The following COLQ variants were observed in gnomAD, a reference collection of about 807,000 sequenced individuals.
COLQ encodes the protein collagen like tail subunit of asymmetric acetylcholinesterase, also known as acetylcholinesterase collagenic tail peptide.
Under a neutral mutation model 69.0 loss-of-function variants are expected in COLQ, and 48 were observed. The observed-to-expected ratio is 0.70, with a 90% CI of 0.55 to 0.88. The LOEUF (loss-of-function observed/expected upper bound fraction) is 0.88. Ranked by LOEUF, COLQ falls within the 40% of genes least tolerant of loss-of-function variation. The pLI is 0.00. For missense variants in COLQ, 618 were observed against 594.6 expected, an observed-to-expected ratio of 1.04 and a Z score of -0.41; for synonymous variants, 217 against 211.2, an observed-to-expected ratio of 1.03 and a Z score of -0.24.
chr3:15,498,537 C>T (rs372692677), intron 1 of COLQ: 7 of 1,551,794 alleles, frequency 4.5e-6, no homozygotes, highest in Non-Finnish European at 6.1e-6. Flanking sequence ...AGTAACAGAG[C>T]AGTCCTGAAA....
At chr3:15,470,509 G>A in intron 11 of COLQ, 27 bp downstream of exon 11, 10 of 1,608,268 alleles carry the variant, frequency 6.2e-6, no homozygotes, top group Non-Finnish European at 8.5e-6. Context: ...CTGACCTCAG[G>A]CGGGTGGTAA....
At chr3:15,474,346 A>T in intron 8 of COLQ, 74 bp from the exon 9 acceptor site, 1 of 1,500,418 alleles carries the variant, frequency 6.7e-7, no homozygotes, top group Non-Finnish European at 9.3e-7. Flanking sequence ...CAAACTGAAA[A>T]GCTCCCTAAA....
intron 11 of COLQ, among the ~76,000 whole-genome samples, chr3:15,469,055 TCTAAGG>T (rs773626582): frequency 2.6e-5 from 4 of 152,178 alleles, no homozygotes; most frequent in Non-Finnish European, 5.9e-5. Context: ...ACATCAGGCT[TCTAAGG>T]CTAACAATTC....
chr3:15,515,268 G>C (rs1217704871), intron 1 of COLQ, among the ~76,000 whole-genome samples: 1 of 152,182 alleles, frequency 6.6e-6, no homozygotes, highest in Non-Finnish European at 1.5e-5. Flanking sequence ...CTGTGAGACA[G>C]AGACTATTAT....
chr3:15,488,756 T>C (rs2062618297), intron 2 of COLQ, among the ~76,000 whole-genome samples: 1 of 152,230 alleles, frequency 6.6e-6, no homozygotes, highest in South Asian at 2.1e-4. Context: ...AATATTATCA[T>C]TTTAACATAT....
chr3:15,459,699 G>A (rs1030182549), intron 12 of COLQ, among the ~76,000 whole-genome samples: 6 of 151,808 alleles, frequency 4.0e-5, no homozygotes, highest in Non-Finnish European at 8.8e-5. Flanking sequence ...GGCTGGTCTC[G>A]AACTCCTGAC....
intron 1 of COLQ, among the ~76,000 whole-genome samples, chr3:15,507,230 C>A (rs1046599980): frequency 6.6e-6 from 1 of 152,232 alleles, no homozygotes; most frequent in Non-Finnish European, 1.5e-5. Context: ...ACTAAATAAC[C>A]TTCCACATGC....
intron 13 of COLQ, among the ~76,000 whole-genome samples, chr3:15,456,954 G>T (rs987676026): frequency 1.3e-4 from 20 of 151,808 alleles, no homozygotes; most frequent in African/African-American, 4.8e-4. Context: ...TCTCGAGTAG[G>T]TGGGATTACA....
intron 1 of COLQ, among the ~76,000 whole-genome samples, chr3:15,502,709 C>T (rs1033069345): frequency 3.3e-5 from 5 of 152,134 alleles, no homozygotes; most frequent in Non-Finnish European, 5.9e-5. Context: ...CCACCACGCC[C>T]GGCCTAACTT....
intron 12 of COLQ, among the ~76,000 whole-genome samples, chr3:15,463,546 C>T (rs1291299771): frequency 6.6e-6 from 1 of 152,022 alleles, no homozygotes; most frequent in East Asian, 1.9e-4. Context: ...TGGGGTTTCA[C>T]TGTGTTAGCC....
intron 1 of COLQ, among the ~76,000 whole-genome samples, chr3:15,499,830 T>C (rs1034183056): frequency 3.9e-5 from 6 of 152,204 alleles, no homozygotes; most frequent in Non-Finnish European, 8.8e-5. Flanking sequence ...CTGTGTGACC[T>C]TGAGGAAGTT....
intron 1 of COLQ, among the ~76,000 whole-genome samples, chr3:15,506,471 T>C (rs1283719485): frequency 6.6e-6 from 1 of 152,224 alleles, no homozygotes; most frequent in Non-Finnish European, 1.5e-5. Flanking sequence ...AACCATTACT[T>C]AGTTTTCTAT....
At chr3:15,474,092 T>C in intron 9 of COLQ, 57 bp from the exon 10 acceptor site, 1 of 1,611,696 alleles carries the variant, frequency 6.2e-7, no homozygotes, top group African/African-American at 1.3e-5. Context: ...CTGAAATGGC[T>C]GTGGACAGGC....
chr3:15,498,112 C>A (rs775199279), intron 1 of COLQ, among the ~76,000 whole-genome samples: 4 of 152,086 alleles, frequency 2.6e-5, no homozygotes, highest in Non-Finnish European at 5.9e-5. Flanking sequence ...AGCCACCCAA[C>A]GCCAGCGGGG....
chr3:15,456,335 C>G lies in COLQ; in HGVS notation c.1074+125G>C, dbSNP rs546057149. 18 of 1,303,622 alleles carry G rather than the reference C, an allele frequency of 1.4e-5. No individual in the cohort carries two copies. The African/African-American group carries it at 2.0e-4, about 15-fold the overall frequency. 80.8% of individuals were successfully genotyped at this position (1,303,622 alleles called of 1,614,324 possible). ...AGAGAGTTTGAGGGAGGATGCTCAG[C>G]CCTCCCATGCAGACAGACTGTAGAA... On this transcript the variant is annotated intron_variant, in intron 14 of 16. Transcript: ENST00000383788.
Position 15,474,884 on chromosome 3 carries a change from C to T in COLQ, c.555+41G>A, listed in dbSNP as rs373356626. 4.2e-4 allele frequency: 679 copies of T among 1,612,586 alleles called. 2 individuals carry two copies. Among genetic ancestry groups the T allele is most frequent in the Admixed American group, 2.2e-3 (133 of 60,018 alleles). On this transcript the variant is annotated intron_variant, in intron 8 of 16. Coordinates refer to ENST00000383788, the MANE Select transcript of COLQ (RefSeq NM_005677.4). Reference sequence around the variant, plus strand: ...TGTCTCTGATTCCAGAGCCAGTAGCCCAGACCAGGCTCTAGGACACCATCC... The same window carrying T: ...TGTCTCTGATTCCAGAGCCAGTAGCTCAGACCAGGCTCTAGGACACCATCC...
At chr3:15,520,393 T>G (rs1346626433) in intron 1 of COLQ, among the ~76,000 whole-genome samples, 2 of 152,170 alleles carry the variant, frequency 1.3e-5, no homozygotes, top group African/African-American at 4.8e-5. Context: ...CCACAAACGT[T>G]GGCTACACAA....
Position 15,455,902 on chromosome 3 carries a change from T to G in COLQ, c.1192A>C (p.Ile398Leu), listed in dbSNP as rs1381146988. 1.3e-5 allele frequency: 21 copies of G among 1,614,066 alleles called. No individual in the cohort carries two copies. Among genetic ancestry groups the G allele is most frequent in the Non-Finnish European group, 1.7e-5 (20 of 1,179,976 alleles). The change falls in exon 15 of 17, where the codon ATC becomes CTC. Residue 398 changes from isoleucine to leucine, a missense_variant. Transcript: ENST00000383788. Reference protein sequence around the residue: ...DGNSDVGDDCIRCHRAYCGDG... With the variant: ...DGNSDVGDDCLRCHRAYCGDG... ...TCCTGGTCTGGGCCTCACTCACGGATGCAGTCGTCACCCACATCGCTGTTA... is the reference window on the plus strand; with the variant it reads ...TCCTGGTCTGGGCCTCACTCACGGAGGCAGTCGTCACCCACATCGCTGTTA...
chr3:15,490,651 T>C (rs909182550), intron 1 of COLQ, among the ~76,000 whole-genome samples: 1 of 152,256 alleles, frequency 6.6e-6, no homozygotes, highest in Non-Finnish European at 1.5e-5. Flanking sequence ...TCCATTCTGC[T>C]GAACATCGCT....
Sources: gnomAD v4.1 joint callset for allele counts (sites outside exome capture counted in the v4.1 genomes callset) on GRCh38, gnomAD v4.1.1 for gene constraint, MANE v1.5 for transcripts, NCBI Gene and HGNC (gene_info 2026-07-23, HGNC 2026-07-21) for gene names.